The following DNAH7 variants were observed in gnomAD, a reference collection of about 807,000 sequenced individuals.
DNAH7 encodes the protein axonemal beta dynein heavy chain 7.
Under a neutral mutation model 444.6 loss-of-function variants are expected in DNAH7, and 397 were observed. The observed-to-expected ratio is 0.89, with a 90% confidence interval of 0.82 to 0.97. The LOEUF (loss-of-function observed/expected upper bound fraction) is 0.97. DNAH7 is among the 50% of genes least tolerant of loss of function. The probability of loss-of-function intolerance (pLI) is 0.00; values close to 1 mark genes in which losing one functional copy is unlikely to be tolerated. For synonymous variants in DNAH7, 1,636 were observed against 1,624.4 expected (o/e 1.01, Z -0.17); for missense variants, 4,902 against 4,800.8 (o/e 1.02, Z -0.62).
chr2:195,989,525 A>C (rs1322107462), intron 12 of DNAH7, among the ~76,000 whole-genome samples: 1 of 152,136 alleles, frequency 6.6e-6, no homozygotes, highest in Non-Finnish European at 1.5e-5. Context: ...TCCATCAATA[A>C]TAGGATTATT....
intron 1 of DNAH7, among the ~76,000 whole-genome samples, chr2:196,059,008 T>A (rs1033106640): frequency 3.3e-5 from 5 of 151,636 alleles, no homozygotes; most frequent in Non-Finnish European, 7.4e-5. Flanking sequence ...AATTAGGAGT[T>A]CAGAAATAAA....
chr2:195,929,670 A>G (rs1030660231), intron 21 of DNAH7, among the ~76,000 whole-genome samples: 3 of 152,366 alleles, frequency 2.0e-5, no homozygotes, highest in African/African-American at 7.2e-5. Context: ...GGCTAGCCAT[A>G]TGAAGAAGAA....
At chr2:196,029,981 T>C (rs568688991) in intron 5 of DNAH7, among the ~76,000 whole-genome samples, 13 of 152,276 alleles carry the variant, frequency 8.5e-5, no homozygotes, top group Middle Eastern at 3.4e-3. Flanking sequence ...CCATTAATTA[T>C]GAAGAAACTA....
intron 28 of DNAH7, 37 bp downstream of exon 28, chr2:195,900,245 T>C (rs373328431): frequency 1.5e-4 from 247 of 1,602,356 alleles, no homozygotes; most frequent in Admixed American, 2.5e-4. Context: ...AATCTACAAA[T>C]AGGAAATTTA....
intron 35 of DNAH7, among the ~76,000 whole-genome samples, chr2:195,883,449 G>GCCCCCCC (rs1203503298): frequency 2.9e-5 from 4 of 135,866 alleles, no homozygotes; most frequent in African/African-American, 1.0e-4. Context: ...CTCAGTCCCC[G>GCCCCCCC]CTCCCCCCCC....
chr2:196,044,178 TA>T (rs1021956408), intron 5 of DNAH7, among the ~76,000 whole-genome samples: 3 of 146,698 alleles, frequency 2.0e-5, no homozygotes, highest in African/African-American at 7.7e-5. Flanking sequence ...AATGAGTGGA[TA>T]AAAAAATGTT....
chr2:195,762,838 A>G (rs1383067748), intron 61 of DNAH7, among the ~76,000 whole-genome samples: 1 of 152,184 alleles, frequency 6.6e-6, no homozygotes, highest in African/African-American at 2.4e-5. Context: ...GAAAATCAAC[A>G]AAGAAACATC....
chr2:195,958,268 T>G (rs562487589), intron 18 of DNAH7, among the ~76,000 whole-genome samples: 48 of 152,268 alleles, frequency 3.2e-4, no homozygotes, highest in African/African-American at 1.0e-3. Flanking sequence ...ATGACGAGGA[T>G]GAAGATCTTC....
chr2:195,759,170 A>G (rs188934800), intron 61 of DNAH7, among the ~76,000 whole-genome samples: 12 of 152,266 alleles, frequency 7.9e-5, no homozygotes, highest in Non-Finnish European at 1.5e-4. Flanking sequence ...GGAAGAGTAA[A>G]GAGGACTTTG....
Position 195,907,009 on chromosome 2 carries a change from C to T in DNAH7, c.4105G>A (p.Gly1369Arg), listed in dbSNP as rs1025568242. The T allele has an allele frequency of 1.2e-6, 2 of 1,606,062 alleles. No individual in the cohort carries two copies. The highest frequency in any genetic ancestry group is 1.7e-5 in the Admixed American group (1 of 58,410). The change falls in exon 26 of 65, where the codon GGA becomes AGA. Residue 1369 changes from glycine (G) to arginine (R), a missense_variant and splice_region_variant. Coordinates refer to ENST00000312428, the MANE Select transcript of DNAH7 (RefSeq NM_018897.3). ...GCCCAGGCTCCACAAGATAACAGTC[C>T]CTATGAGAAAAGAGTAATGAAAATT... is the stretch of plus-strand genomic sequence containing the variant. ...DYLALGKFFKGLLSCGAWACF... is the reference protein window; with the variant it reads ...DYLALGKFFKRLLSCGAWACF...
chr2:195,814,453 G>A (rs1027927626), intron 51 of DNAH7, among the ~76,000 whole-genome samples: 3 of 152,126 alleles, frequency 2.0e-5, no homozygotes, highest in Non-Finnish European at 4.4e-5. Flanking sequence ...CCTTGGATGA[G>A]TTCTAACTTG....
chr2:196,055,260 A>G (rs1370144915), intron 2 of DNAH7, among the ~76,000 whole-genome samples: 3 of 152,014 alleles, frequency 2.0e-5, no homozygotes, highest in Non-Finnish European at 4.4e-5. Flanking sequence ...TGAGGCTCAC[A>G]TAAGCCCAGG....
chr2:195,876,829 A>T (rs1574641241), intron 36 of DNAH7, 130 bp from the exon 37 acceptor site: 5 of 635,326 alleles, frequency 7.9e-6, no homozygotes, highest in Middle Eastern at 4.4e-4. Flanking sequence ...AAATAGATGG[A>T]ATCAGTAGGA....
At chr2:195,949,728 T>C (rs1024672395) in intron 19 of DNAH7, among the ~76,000 whole-genome samples, 1 of 152,214 alleles carries the variant, frequency 6.6e-6, no homozygotes, top group Admixed American at 6.5e-5. Context: ...CAGTATGATA[T>C]TGGCTGTGGG....
In DNAH7 at chr2:195,857,490, GA is replaced by G; in HGVS notation, c.8300del (p.Ile2767ThrfsTer2). ...KDNIPPAYMN[I>X]IRKNYIPNPD... ...GATTTGGAATATAATTTTTTCTTAT[GA>G]TATTCATATAAGCTGGAGGAATATT... On this transcript the variant is annotated frameshift_variant, in exon 44 of 65. Transcript: ENST00000312428. LOFTEE classifies it high-confidence loss of function. 1 of 1,613,348 alleles carries G rather than the reference GA, an allele frequency of 6.2e-7. No individual in the cohort carries two copies. The highest frequency in any genetic ancestry group is 8.5e-7 in the Non-Finnish European group (1 of 1,179,750).
rs140120297 is a variant in DNAH7 at position 196,020,326 on chromosome 2, T to C, written c.744-1031A>G. On this transcript the variant is annotated intron_variant, in intron 8 of 64. Transcript: ENST00000312428. Reference sequence around the variant, plus strand: ...AGGAGCTCAGTGGCCCTTACCCCCGTGTTAAAGATCAACTGTATTCTGTAA... The same window carrying C: ...AGGAGCTCAGTGGCCCTTACCCCCGCGTTAAAGATCAACTGTATTCTGTAA... Among the ~76,000 whole-genome samples, 12 of 152,250 alleles carry C rather than the reference T, an allele frequency of 7.9e-5. No individual in the cohort carries two copies. In the East Asian group the frequency reaches 2.3e-3, roughly 29 times the overall value.
intron 2 of DNAH7, among the ~76,000 whole-genome samples, chr2:196,056,231 G>T (rs1697794872): frequency 6.6e-6 from 1 of 151,968 alleles, no homozygotes; most frequent in Admixed American, 6.6e-5. Context: ...GATTACCTGA[G>T]GTCAGGGGTT....
At position 195,861,859 on chromosome 2, in the gene DNAH7, C is replaced by A. The variant is rs567370667; in HGVS notation, c.7594G>T (p.Asp2532Tyr). 2 of 1,613,810 alleles carry A rather than the reference C, an allele frequency of 1.2e-6. No individual in the cohort carries two copies. Among genetic ancestry groups the A allele is most frequent in the East Asian group, 2.2e-5 (1 of 44,874 alleles). Residue 2532 changes from aspartate to tyrosine, a missense_variant, in exon 42 of 65, where the codon GAC (aspartate) becomes TAC (tyrosine). Physicochemically the swap from Asp to Tyr is radical, Grantham distance 160. Transcript: ENST00000312428. ...MSEEIRDGCI[D>Y]MCKSFHTSTI... ...GAAGTGTGGAAGCTTTTACACATGT[C>A]GATACAGCCATCTCGTATTTCCTCT...
At chr2:196,054,860 G>A (rs564958380) in intron 2 of DNAH7, among the ~76,000 whole-genome samples, 1 of 152,262 alleles carries the variant, frequency 6.6e-6, no homozygotes, top group African/African-American at 2.4e-5. Flanking sequence ...CTGCCACCAT[G>A]TGAAGAAGAA....
Sources: gnomAD v4.1 joint callset for allele counts (sites outside exome capture counted in the v4.1 genomes callset) on GRCh38, gnomAD v4.1.1 for gene constraint, MANE v1.5 for transcripts, NCBI Gene and HGNC (gene_info 2026-07-23, HGNC 2026-07-21) for gene names.